The following RNF135 variants were observed in gnomAD, a reference collection of about 807,000 sequenced individuals.
The protein encoded by RNF135 is ring finger protein 135.
In RNF135, 46 loss-of-function variants were observed where a neutral mutation model predicts 41.9. That is an observed-to-expected ratio of 1.10 (90% CI 0.87 to 1.40). The LOEUF is 1.40. Ranked by LOEUF, RNF135 falls within the 40% of genes most tolerant of loss-of-function variation. RNF135 has a pLI of 0.00. For missense variants in RNF135, 539 were observed against 549.8 expected (o/e 0.98, Z 0.20); for synonymous variants, 238 against 223.8 (o/e 1.06, Z -0.57).
intron 1 of RNF135, 54 bp downstream of exon 1, chr17:30,971,499 G>C: frequency 1.4e-6 from 2 of 1,434,366 alleles, no homozygotes; most frequent in Non-Finnish European, 1.8e-6. Context: ...CCCGCCGCCT[G>C]ACCCTTTCCC....
rs1456871803 is a variant in RNF135, at chr17:30,996,135, G to A, written c.680-1107G>A. On this transcript the variant is annotated intron_variant, in intron 3 of 4. Transcript: ENST00000328381. ...AGATGGAGTCTCACTCTGTTTCCCA[G>A]GCTGGAGTCAGTGGTGCGATCTCGG... Among the ~76,000 whole-genome samples the A allele has an allele frequency of 4.3e-5, 6 of 138,314 alleles. No homozygotes were observed. In the Admixed American group the frequency reaches 4.7e-4, roughly 11 times the overall value. 90.7% of individuals were successfully genotyped at this position (138,314 alleles called of 152,430 possible).
At position 30,971,396 on chromosome 17, in the gene RNF135, C is replaced by G. The variant is rs531301373; in HGVS notation, c.323C>G (p.Ser108Cys). Reference sequence around the variant, plus strand: ...CACTGCCCCTGCCCGGGCTCCAGTTCCCTCTCCAGCGCGGCCGCGAGGCCC... The same window carrying G: ...CACTGCCCCTGCCCGGGCTCCAGTTGCCTCTCCAGCGCGGCCGCGAGGCCC... The part of the protein sequence containing the change: ...PAHCPCPGSS[S>C]LSSAAARPRR... Residue 108 changes from serine to cysteine, a missense_variant, in exon 1 of 5, where the codon TCC becomes TGC. Coordinates refer to ENST00000328381, the MANE Select transcript of RNF135 (RefSeq NM_032322.4). The G allele has an allele frequency of 1.3e-6, 2 of 1,522,016 alleles. No individual in the cohort carries two copies. The highest frequency in any genetic ancestry group is 1.8e-6 in the Non-Finnish European group (2 of 1,141,156). 94.3% of individuals were successfully genotyped at this position (1,522,016 alleles called of 1,614,324 possible).
chr17:30,989,600 A>T (rs1361063856), intron 3 of RNF135, among the ~76,000 whole-genome samples: 2 of 152,138 alleles, frequency 1.3e-5, no homozygotes, highest in Non-Finnish European at 2.9e-5. Flanking sequence ...TGCTCTGGCC[A>T]CTGCTATCTT....
At chr17:30,962,146 T>C in the RNF135 span, among the ~76,000 whole-genome samples, 1 of 152,012 alleles carries the variant, frequency 6.6e-6, no homozygotes, top group Non-Finnish European at 1.5e-5. Context: ...CTTTTTTTTT[T>C]TTCCCGAGAT....
the RNF135 span, chr17:30,965,634 A>T: frequency 4.3e-4 from 65 of 152,324 alleles, no homozygotes; most frequent in African/African-American, 1.5e-3. Flanking sequence ...CTTCCTGCCC[A>T]CTGCACAGGC....
At chr17:30,984,586 A>G (rs1161742749) in intron 1 of RNF135, 31 bp from the exon 2 acceptor site, 32 of 1,613,634 alleles carry the variant, frequency 2.0e-5, no homozygotes, top group Non-Finnish European at 2.6e-5. Context: ...AGTTTTATAG[A>G]ACCCAGGACC....
chr17:30,966,764 C>G (rs959377442), upstream of RNF135, among the ~76,000 whole-genome samples: 3 of 151,870 alleles, frequency 2.0e-5, no homozygotes, highest in Admixed American at 2.0e-4. Flanking sequence ...CTCGGCCTCC[C>G]AAAGTGCTGG....
At chr17:30,991,506 T>C (rs562582192) in intron 3 of RNF135, among the ~76,000 whole-genome samples, 1 of 151,352 alleles carries the variant, frequency 6.6e-6, no homozygotes, top group South Asian at 2.1e-4. Context: ...AATCTCCGTC[T>C]CCCAGGTTCA....
chr17:30,985,723 TA>T (rs1907531461), intron 2 of RNF135, among the ~76,000 whole-genome samples: 2 of 152,324 alleles, frequency 1.3e-5, no homozygotes, highest in Admixed American at 1.3e-4. Flanking sequence ...TCTGAAAATG[TA>T]ACTCATCTGC....
In RNF135 at chr17:30,999,010, C is replaced by A; in HGVS notation, c.1118C>A (p.Pro373His). 6.2e-7 allele frequency: 1 copy of A among 1,614,122 alleles called. No homozygotes were observed. Among genetic ancestry groups the A allele is most frequent in the Non-Finnish European group, 8.5e-7 (1 of 1,180,012 alleles). Residue 373 changes from proline (P) to histidine (H), a missense_variant, in exon 5 of 5, where the codon CCT (proline) becomes CAT (histidine). Coordinates refer to ENST00000328381, the MANE Select transcript of RNF135 (RefSeq NM_032322.4). ...GAAACTGTCCTTGGCTCAGACAGACCTGGGGTGGTGGGCATCTGGCTGAAC... is the reference window on the plus strand; with the variant it reads ...GAAACTGTCCTTGGCTCAGACAGACATGGGGTGGTGGGCATCTGGCTGAAC... ...VKETVLGSDR[P>H]GVVGIWLNLE...
the RNF135 span, chr17:30,959,950 T>C: frequency 1.4e-5 from 2 of 146,944 alleles, no homozygotes; most frequent in African/African-American, 5.1e-5. Flanking sequence ...TGGGGGGTTA[T>C]GCACTCCAGC....
chr17:30,969,909 C>A (rs1905750567), upstream of RNF135, among the ~76,000 whole-genome samples: 1 of 152,056 alleles, frequency 6.6e-6, no homozygotes, highest in Non-Finnish European at 1.5e-5. Flanking sequence ...GGATTACAGG[C>A]ATGCGCCAGG....
intron 1 of RNF135, chr17:30,976,080 A>G (rs1010762188): frequency 1.6e-5 from 3 of 191,260 alleles, no homozygotes; most frequent in Non-Finnish European, 3.3e-5. Context: ...ATCTCTGCTC[A>G]CTGCAACCTC....
chr17:30,965,038 T>C, the RNF135 span: 3 of 152,050 alleles, frequency 2.0e-5, no homozygotes, highest in Non-Finnish European at 4.4e-5. Flanking sequence ...GGATGGGTGT[T>C]AACACATGTA....
chr17:30,998,832 T>C lies in RNF135; in HGVS notation c.940T>C (p.Tyr314His), dbSNP rs1364786522. 6.2e-7 allele frequency: 1 copy of C among 1,613,438 alleles called. No homozygotes were observed. Among genetic ancestry groups the C allele is most frequent in the Non-Finnish European group, 8.5e-7 (1 of 1,179,710 alleles). The change falls in exon 5 of 5, where the codon TAC becomes CAC. Residue 314 changes from tyrosine to histidine, a missense_variant. Around this residue, in one of 2 missense-constraint regions of RNF135, gnomAD observed 262 missense variants for 336.9 expected, o/e 0.78. Transcript: ENST00000328381. ...CCAGGCCCTGTCTTCTGGAAAGCAT[T>C]ACTGGGAAGTGGACACTAGGAATTG... ...CSQALSSGKH[Y>H]WEVDTRNCSH... is the part of the protein sequence containing the mutation.
intron 1 of RNF135, among the ~76,000 whole-genome samples, chr17:30,984,085 TC>T (rs1907416443): frequency 6.6e-6 from 1 of 152,234 alleles, no homozygotes; most frequent in Admixed American, 6.5e-5. Context: ...AATATTTTCT[TC>T]CATTTTTGTG....
intron 3 of RNF135, among the ~76,000 whole-genome samples, chr17:30,992,222 C>G (rs1236480799): frequency 6.6e-6 from 1 of 152,074 alleles, no homozygotes; most frequent in Non-Finnish European, 1.5e-5. Context: ...GAGTAAGCCA[C>G]TGCGCTCGGC....
upstream of RNF135, chr17:30,970,270 G>A (rs1410407019): frequency 6.6e-6 from 1 of 151,646 alleles, no homozygotes; most frequent in East Asian, 1.9e-4. Context: ...TGGTTGCAAT[G>A]CGTTTAGGAC....
the RNF135 span, among the ~76,000 whole-genome samples, chr17:30,960,735 T>A: frequency 7.3e-6 from 1 of 136,256 alleles, no homozygotes; most frequent in South Asian, 2.1e-4. Context: ...ATTTTATTTA[T>A]TTTATTTTAT....
Sources: gnomAD v4.1 joint callset for allele counts (sites outside exome capture counted in the v4.1 genomes callset) on GRCh38, gnomAD v4.1.1 for gene constraint, gnomAD v4.1.1 regional missense constraint, MANE v1.5 for transcripts, NCBI Gene and HGNC (gene_info 2026-07-23, HGNC 2026-07-21) for gene names.